MCF2L: variants seen among roughly 807,000 people sequenced by gnomAD.
MCF2L encodes MCF.2 cell line derived transforming sequence like.
Under a neutral mutation model 153.4 loss-of-function variants are expected in MCF2L, and 97 were observed. That is an observed-to-expected ratio of 0.63 (90% confidence interval 0.54 to 0.75). The LOEUF is 0.75. MCF2L is among the 30% of genes least tolerant of loss of function. MCF2L has a pLI of 0.00. For missense variants in MCF2L, 1,347 were observed against 1,495.2 expected (o/e 0.90, Z 1.64); for synonymous variants, 659 against 632.2 (o/e 1.04, Z -0.64).
chr13:112,928,788 G>A (rs943161278), intron 2 of MCF2L, among the ~76,000 whole-genome samples: 4 of 152,228 alleles, frequency 2.6e-5, no homozygotes, highest in South Asian at 2.1e-4. Flanking sequence ...CAGCTCTGAC[G>A]CTTCCCTGCA....
At chr13:113,042,874 G>C (rs2086589509) in intron 3 of MCF2L, 1 of 152,298 alleles carries the variant, frequency 6.6e-6, no homozygotes, top group Non-Finnish European at 1.5e-5. Flanking sequence ...GGCTGTTGTG[G>C]AGTAGCGGGG....
chr13:113,095,109 A>C (rs1483753617), intron 27 of MCF2L: 1 of 1,350,018 alleles, frequency 7.4e-7, no homozygotes, highest in Non-Finnish European at 9.9e-7. Context: ...TTTTGTAAGA[A>C]AATGGAACTG....
chr13:113,090,238 C>T, intron 26 of MCF2L: 1 of 1,416,652 alleles, frequency 7.1e-7, no homozygotes, highest in Non-Finnish European at 9.4e-7. Context: ...ATTCGTGCCT[C>T]CTTCGTCACA....
intron 27 of MCF2L, chr13:113,095,649 G>T: frequency 1.0e-6 from 1 of 992,798 alleles, no homozygotes; most frequent in Non-Finnish European, 1.2e-6. Context: ...CCGTCCTCCT[G>T]CTCCAGGCCA....
chr13:112,955,712 G>T (rs568436873), intron 2 of MCF2L, among the ~76,000 whole-genome samples: 1 of 152,150 alleles, frequency 6.6e-6, no homozygotes, highest in Non-Finnish European at 1.5e-5. Flanking sequence ...TTCCCCAAAA[G>T]AGCCCCTGCG....
intron 18 of MCF2L, 25 bp downstream of exon 18, chr13:113,084,092 T>A (rs748836286): frequency 6.3e-7 from 1 of 1,578,336 alleles, no homozygotes; most frequent in Admixed American, 1.7e-5. Context: ...GACGTGTATT[T>A]TGTCACAACT....
chr13:112,981,347 G>A (rs2082418050), intron 1 of MCF2L, among the ~76,000 whole-genome samples: 1 of 152,204 alleles, frequency 6.6e-6, no homozygotes, highest in Non-Finnish European at 1.5e-5. Context: ...ACAGCGACAG[G>A]GCCTCTCTGC....
intron 2 of MCF2L, among the ~76,000 whole-genome samples, chr13:112,906,738 G>T (rs191435958): frequency 2.0e-5 from 3 of 151,590 alleles, no homozygotes; most frequent in African/African-American, 7.3e-5. Flanking sequence ...AGAGCAAGAG[G>T]GTTCGCCCAC....
intron 2 of MCF2L, among the ~76,000 whole-genome samples, chr13:112,947,150 T>C (rs765737337): frequency 9.2e-5 from 14 of 152,264 alleles, no homozygotes; most frequent in South Asian, 2.1e-4. Context: ...GGAGGGCCAG[T>C]GAAGCCTCTG....
rs183999644 is a variant in MCF2L at position 113,031,509 on chromosome 13, T to C, written c.278+6751T>C. ...GTGAGACAGGGTCTGTGGAGCCTTT[T>C]CTGAGGAGCTGTGTTTTCTGTGAAG... On this transcript the variant is annotated intron_variant, in intron 3 of 29. Transcript: ENST00000535094. This position sits in a 1 kb window ranked among gnomAD's most constrained non-coding sequence, Gnocchi z 5.5. Among the ~76,000 whole-genome samples, 419 of 152,146 alleles carry C rather than the reference T, an allele frequency of 2.8e-3. 1 individual carries two copies. The highest frequency in any genetic ancestry group is 9.7e-3 in the African/African-American group (403 of 41,498).
intron 2 of MCF2L, among the ~76,000 whole-genome samples, chr13:112,919,631 A>G (rs2081333791): frequency 6.6e-6 from 1 of 152,210 alleles, no homozygotes; most frequent in African/African-American, 2.4e-5. Flanking sequence ...AAAGCCTGCA[A>G]ATTCTGAGAG....
chr13:112,901,912 T>C (rs2140495907), intron 1 of MCF2L, among the ~76,000 whole-genome samples: 2 of 152,306 alleles, frequency 1.3e-5, no homozygotes, highest in East Asian at 3.9e-4. Flanking sequence ...AAAACCTCGG[T>C]TGTTGTTGTT....
chr13:112,909,532 T>C, intron 2 of MCF2L: 1 of 502,368 alleles, frequency 2.0e-6, no homozygotes, highest in Non-Finnish European at 3.6e-6. Flanking sequence ...GTCTATCAAC[T>C]TGGATGCAGG....
rs78924403 is a variant in MCF2L at position 113,029,785 on chromosome 13, C to T, written c.278+5027C>T. On this transcript the variant is annotated intron_variant, in intron 3 of 29. Coordinates refer to ENST00000535094, the MANE Select transcript of MCF2L (RefSeq NM_001112732.3). ...ATGGTGGACGAGACCCTGGCACAGG[C>T]GGTTCCCCAGCACGCAGTTTCCAGA... 8.5e-3 allele frequency among the ~76,000 whole-genome samples: 1,293 copies of T among 152,264 alleles called. 7 individuals carry two copies. Among genetic ancestry groups the T allele is most frequent in the Non-Finnish European group, 0.015 (1,011 of 68,022 alleles).
chr13:113,055,613 G>A (rs960629602), intron 4 of MCF2L, among the ~76,000 whole-genome samples: 4 of 152,162 alleles, frequency 2.6e-5, no homozygotes, highest in Admixed American at 6.5e-5. Context: ...TTTTCAGTCC[G>A]CCCCTTGCTG....
chr13:113,017,956 C>T (rs1485181166), intron 2 of MCF2L, among the ~76,000 whole-genome samples: 1 of 152,244 alleles, frequency 6.6e-6, no homozygotes, highest in East Asian at 1.9e-4. Flanking sequence ...TTTCTTTCCA[C>T]TTGCCCTGCT....
intron 2 of MCF2L, among the ~76,000 whole-genome samples, chr13:113,024,194 T>C (rs1472736056): frequency 6.6e-6 from 1 of 152,202 alleles, no homozygotes; most frequent in East Asian, 1.9e-4. Context: ...CCACAAACAG[T>C]ACAGTTAGGC....
intron 1 of MCF2L, among the ~76,000 whole-genome samples, chr13:112,896,595 C>A (rs569662210): frequency 3.2e-4 from 48 of 152,114 alleles, no homozygotes; most frequent in Non-Finnish European, 6.0e-4. Context: ...CCTTTTGTCA[C>A]CAGTTGAGAT....
chr13:112,924,336 G>A (rs539173786), intron 2 of MCF2L, among the ~76,000 whole-genome samples: 4 of 151,938 alleles, frequency 2.6e-5, no homozygotes, highest in African/African-American at 7.3e-5. Context: ...CAATTTCTCC[G>A]TATGCAGTTG....
Sources: gnomAD v4.1 joint callset for allele counts (sites outside exome capture counted in the v4.1 genomes callset) on GRCh38, gnomAD v4.1.1 for gene constraint, Gnocchi (gnomAD v3.1) non-coding constraint, MANE v1.5 for transcripts, NCBI Gene and HGNC (gene_info 2026-07-23, HGNC 2026-07-21) for gene names.